Variants in PAPSS1 observed in about 807,000 individuals in gnomAD.
PAPSS1 encodes the protein 3'-phosphoadenosine 5'-phosphosulfate synthase 1.
Under a neutral mutation model 72.0 loss-of-function variants are expected in PAPSS1, and 50 were observed. The ratio of observed to expected loss-of-function variants is 0.69; its 90% CI spans 0.55 to 0.88. The LOEUF is 0.88. PAPSS1 is among the 40% of genes least tolerant of loss of function. The pLI is 0.00. For synonymous variants in PAPSS1, 261 were observed against 263.6 expected, an observed-to-expected ratio of 0.99 and a Z score of 0.09; for missense variants, 657 against 782.2, an observed-to-expected ratio of 0.84 and a Z score of 1.91.
intron 1 of PAPSS1, among the ~76,000 whole-genome samples, chr4:107,702,165 T>C (rs965619490): frequency 4.6e-5 from 7 of 152,140 alleles, no homozygotes; most frequent in Non-Finnish European, 7.4e-5. Flanking sequence ...ATAGCTGTAA[T>C]AAAGACAGAT....
At chr4:107,694,310 C>A (rs1014988593) in intron 2 of PAPSS1, 6 of 319,182 alleles carry the variant, frequency 1.9e-5, no homozygotes, top group Middle Eastern at 8.9e-4. Flanking sequence ...TAAAAAATTG[C>A]AATCACAGGA....
chr4:107,695,165 C>T (rs1456689509), intron 2 of PAPSS1, among the ~76,000 whole-genome samples: 1 of 152,148 alleles, frequency 6.6e-6, no homozygotes, highest in Non-Finnish European at 1.5e-5. Flanking sequence ...TCTATTATTT[C>T]CTTCAGCAGT....
At chr4:107,661,057 G>A (rs139964245) in intron 5 of PAPSS1, among the ~76,000 whole-genome samples, 23 of 152,204 alleles carry the variant, frequency 1.5e-4, no homozygotes, top group African/African-American at 2.6e-4. Context: ...GACCTGAATA[G>A]ACATCTCATC....
chr4:107,712,328 A>G (rs1401084404), intron 1 of PAPSS1, among the ~76,000 whole-genome samples: 1 of 152,202 alleles, frequency 6.6e-6, no homozygotes, highest in Non-Finnish European at 1.5e-5. Context: ...CTAGTTATAC[A>G]TAGGTAAATA....
chr4:107,646,144 T>C (rs770165486), intron 9 of PAPSS1, among the ~76,000 whole-genome samples: 13 of 152,150 alleles, frequency 8.5e-5, no homozygotes, highest in Non-Finnish European at 1.5e-4. Context: ...AGTCTTGATA[T>C]ACAAGCATTT....
chr4:107,620,690 T>G (rs2726196), intron 11 of PAPSS1, among the ~76,000 whole-genome samples: 1 of 152,114 alleles, frequency 6.6e-6, no homozygotes, highest in Non-Finnish European at 1.5e-5. Flanking sequence ...CTATAATGCA[T>G]AGGACAGCCT....
At chr4:107,644,696 G>T in intron 10 of PAPSS1, 106 bp downstream of exon 10, 2 of 1,032,852 alleles carry the variant, frequency 1.9e-6, no homozygotes, top group Non-Finnish European at 2.7e-6. Flanking sequence ...ACAAATGTTT[G>T]GAACAGGCCT....
chr4:107,678,877 C>T (rs1423038753), intron 5 of PAPSS1, among the ~76,000 whole-genome samples: 1 of 152,152 alleles, frequency 6.6e-6, no homozygotes, highest in African/African-American at 2.4e-5. Context: ...AACCCTCAAA[C>T]CTTCCCAGGG....
At chr4:107,632,285 T>C (rs1482036957) in intron 10 of PAPSS1, among the ~76,000 whole-genome samples, 1 of 152,142 alleles carries the variant, frequency 6.6e-6, no homozygotes, top group Non-Finnish European at 1.5e-5. Context: ...GCTCTGTTTC[T>C]TGATCCAGTA....
At chr4:107,645,738 A>G (rs1726677037) in intron 9 of PAPSS1, among the ~76,000 whole-genome samples, 1 of 152,190 alleles carries the variant, frequency 6.6e-6, no homozygotes, top group Non-Finnish European at 1.5e-5. Context: ...GGTGCTTGCT[A>G]GCAGGAGACC....
chr4:107,672,924 C>T (rs1256232793), intron 5 of PAPSS1, among the ~76,000 whole-genome samples: 1 of 152,204 alleles, frequency 6.6e-6, no homozygotes, highest in East Asian at 1.9e-4. Context: ...GTTCTGCAGC[C>T]TCCGCTGCTG....
chr4:107,708,880 A>G (rs761304595), intron 1 of PAPSS1, among the ~76,000 whole-genome samples: 9 of 152,232 alleles, frequency 5.9e-5, no homozygotes, highest in Non-Finnish European at 8.8e-5. Context: ...GCTGGAGACA[A>G]ACAGACTGTA....
chr4:107,720,209 T>G lies in PAPSS1; in HGVS notation c.-30A>C. 1.3e-6 allele frequency: 2 copies of G among 1,591,628 alleles called. No homozygotes were observed. Among genetic ancestry groups the G allele is most frequent in the South Asian group, 2.3e-5 (2 of 88,864 alleles). On this transcript the variant is annotated 5_prime_UTR_variant, in exon 1 of 12. Coordinates refer to ENST00000265174, the MANE Select transcript of PAPSS1 (RefSeq NM_005443.5). ...GCGGAGCGCGCTGAGCAGCCGGGGT[T>G]CTCTGCGCCGGGAGGGTAGCAAGAG...
intron 9 of PAPSS1, among the ~76,000 whole-genome samples, chr4:107,652,539 T>G (rs1026407895): frequency 3.3e-5 from 5 of 152,218 alleles, no homozygotes; most frequent in African/African-American, 1.2e-4. Flanking sequence ...TAACTTTTTC[T>G]GTTATTGTTT....
chr4:107,678,203 A>T (rs1192452116), intron 5 of PAPSS1, among the ~76,000 whole-genome samples: 1 of 151,580 alleles, frequency 6.6e-6, no homozygotes, highest in African/African-American at 2.4e-5. Context: ...AAAAAAATCA[A>T]GTTGCCATTT....
chr4:107,709,540 T>C (rs946743840), intron 1 of PAPSS1, among the ~76,000 whole-genome samples: 2 of 152,166 alleles, frequency 1.3e-5, no homozygotes, highest in African/African-American at 2.4e-5. Context: ...ACATAAATGA[T>C]TACCAGCCAC....
chr4:107,673,835 T>C (rs142850410), intron 5 of PAPSS1, among the ~76,000 whole-genome samples: 56,787 of 152,128 alleles, frequency 0.37, 11,207 homozygotes, highest in South Asian at 0.55. Flanking sequence ...CCCATCAGAC[T>C]AACAGCTGAT....
intron 4 of PAPSS1, among the ~76,000 whole-genome samples, chr4:107,684,014 A>C (rs1722707712): frequency 6.6e-6 from 1 of 152,136 alleles, no homozygotes; most frequent in African/African-American, 2.4e-5. Context: ...ATCAACCTCT[A>C]CTCAGGGGAA....
In PAPSS1 at chr4:107,631,542, TCAGTAAAG is replaced by T. The variant is rs1157446664; in HGVS notation, c.1736+81_1736+88del. The T allele has an allele frequency of 5.1e-5, 44 of 858,750 alleles. No individual in the cohort carries two copies. The African/African-American group carries it at 7.3e-4, about 14-fold the overall frequency. 53.2% of individuals were successfully genotyped at this position (858,750 alleles called of 1,614,324 possible). A position where few individuals can be genotyped will look rare whatever the true frequency, so the allele number is the denominator to read the frequency against. ...GACATGAGTACCACAAAACCTGTCA[TCAGTAAAG>T]ATTAGACAATAAGCTAAATCCCTGG... On this transcript the variant is annotated intron_variant, in intron 11 of 11. Coordinates refer to ENST00000265174, the MANE Select transcript of PAPSS1 (RefSeq NM_005443.5).
Sources: gnomAD v4.1 joint callset for allele counts (sites outside exome capture counted in the v4.1 genomes callset) on GRCh38, gnomAD v4.1.1 for gene constraint, MANE v1.5 for transcripts, NCBI Gene and HGNC (gene_info 2026-07-23, HGNC 2026-07-21) for gene names.